The following ADAMTS2 variants were observed in gnomAD, a reference collection of about 807,000 sequenced individuals.
ADAMTS2 encodes the protein ADAM metallopeptidase with thrombospondin type 1 motif 2.
ADAMTS2 carries 50 observed loss-of-function variants against 123.0 expected under a neutral mutation model. The observed-to-expected ratio is 0.41, with a 90% CI of 0.32 to 0.51. The LOEUF is 0.51. ADAMTS2 is among the 20% of genes least tolerant of loss of function. The pLI is 0.35. For synonymous variants in ADAMTS2, 678 were observed against 695.4 expected (o/e 0.98, Z 0.39); for missense variants, 1,494 against 1,705.2 (o/e 0.88, Z 2.18).
intron 3 of ADAMTS2, among the ~76,000 whole-genome samples, chr5:179,212,175 G>C (rs1764868345): frequency 6.6e-6 from 1 of 152,374 alleles, no homozygotes; most frequent in South Asian, 2.1e-4. Context: ...GTGGGATGGT[G>C]CGGGCTCTGA....
At chr5:179,205,719 T>C (rs111340275) in intron 4 of ADAMTS2, among the ~76,000 whole-genome samples, 43 of 152,176 alleles carry the variant, frequency 2.8e-4, no homozygotes, top group African/African-American at 1.0e-3. Flanking sequence ...CACAGTCACA[T>C]AGTAGGGGCT....
chr5:179,292,185 G>A (rs1756208371), intron 2 of ADAMTS2, among the ~76,000 whole-genome samples: 1 of 151,966 alleles, frequency 6.6e-6, no homozygotes, highest in South Asian at 2.1e-4. Context: ...GGCATTCCCG[G>A]GGGCAGAGAG....
intron 3 of ADAMTS2, among the ~76,000 whole-genome samples, chr5:179,215,765 A>G (rs72818649): frequency 0.14 from 21,200 of 152,124 alleles, 1,656 homozygotes; most frequent in Non-Finnish European, 0.18. Context: ...AGTCTCCCGG[A>G]GAATAAGAAG....
chr5:179,155,663 G>A lies in ADAMTS2; in HGVS notation c.1133-744C>T, dbSNP rs1763455473. On this transcript the variant is annotated intron_variant, in intron 6 of 21. Transcript: ENST00000251582. This position sits in a 1 kb window ranked among gnomAD's most constrained non-coding sequence, Gnocchi z 5.1. ...CGTCAAACTGAGGAAGATGGATAATGAGACCTATTCACTTCCCCAGCTCCT... is the reference window on the plus strand; with the variant it reads ...CGTCAAACTGAGGAAGATGGATAATAAGACCTATTCACTTCCCCAGCTCCT... Among the ~76,000 whole-genome samples the A allele has an allele frequency of 1.3e-5, 2 of 152,178 alleles. No homozygotes were observed. The highest frequency in any genetic ancestry group is 2.9e-5 in the Non-Finnish European group (2 of 68,032).
intron 3 of ADAMTS2, among the ~76,000 whole-genome samples, chr5:179,270,372 G>A (rs1259672205): frequency 6.6e-6 from 1 of 152,188 alleles, no homozygotes; most frequent in African/African-American, 2.4e-5. Context: ...AACATAAATA[G>A]CAGGGTGCTT....
Position 179,336,292 on chromosome 5 carries a change from C to T in ADAMTS2, c.534+7475G>A, listed in dbSNP as rs1306209091. ...TGTGAGGTCAAAAAGTTAGGGTGCA[C>T]GCAGAAAGGCGCATGTAGCTTTGCA... On this transcript the variant is annotated intron_variant, in intron 2 of 21. Transcript: ENST00000251582. Among the ~76,000 whole-genome samples, 4 of 152,204 alleles carry T rather than the reference C, an allele frequency of 2.6e-5. No homozygotes were observed. The East Asian group carries it at 7.7e-4, about 29-fold the overall frequency.
rs138752135 is a variant in ADAMTS2, at chr5:179,308,369, C to T, written c.535-35305G>A. Among the ~76,000 whole-genome samples the T allele has an allele frequency of 6.6e-5, 10 of 152,242 alleles. No individual in the cohort carries two copies. Among genetic ancestry groups the T allele is most frequent in the African/African-American group, 2.2e-4 (9 of 41,544 alleles). On this transcript the variant is annotated intron_variant, in intron 2 of 21. Transcript: ENST00000251582. This position sits in a 1 kb window ranked among gnomAD's most constrained non-coding sequence, Gnocchi z 6.6. ...AGCTCAGCGGTGCCCAGAGAGAGCA[C>T]TCGAAATGCCAGCTGGAAAGGTCAC... is the stretch of plus-strand genomic sequence containing the variant.
chr5:179,334,629 C>T (rs900346003), intron 2 of ADAMTS2, among the ~76,000 whole-genome samples: 6 of 152,170 alleles, frequency 3.9e-5, no homozygotes, highest in Non-Finnish European at 5.9e-5. Context: ...AGGTTCCAGA[C>T]GGTGCAGATT....
chr5:179,243,043 A>T (rs1188004101), intron 3 of ADAMTS2, among the ~76,000 whole-genome samples: 1 of 152,064 alleles, frequency 6.6e-6, no homozygotes, highest in Non-Finnish European at 1.5e-5. Context: ...CTCCTGCCCA[A>T]TACCTGGAGT....
intron 2 of ADAMTS2, among the ~76,000 whole-genome samples, chr5:179,329,128 C>G (rs1012470738): frequency 1.1e-4 from 16 of 152,044 alleles, no homozygotes; most frequent in Admixed American, 2.6e-4. Flanking sequence ...GAGATGGAGA[C>G]CATCCTGGCT....
intron 3 of ADAMTS2, among the ~76,000 whole-genome samples, chr5:179,212,116 G>A (rs1419868075): frequency 6.6e-6 from 1 of 152,254 alleles, no homozygotes; most frequent in Non-Finnish European, 1.5e-5. Context: ...AGTATGATTA[G>A]ACTAGAGAAG....
intron 5 of ADAMTS2, among the ~76,000 whole-genome samples, chr5:179,164,499 G>T (rs1424754574): frequency 6.6e-6 from 1 of 152,164 alleles, no homozygotes; most frequent in Non-Finnish European, 1.5e-5. Context: ...AGGCAGAGAC[G>T]GCACCAGTGT....
intron 3 of ADAMTS2, among the ~76,000 whole-genome samples, chr5:179,217,797 G>T (rs978571084): frequency 6.4e-5 from 4 of 62,230 alleles, no homozygotes; most frequent in Admixed American, 1.7e-4. Flanking sequence ...ATGGCGCAAG[G>T]GGGGGATGGG....
At chr5:179,275,380 G>A (rs1200217317) in intron 2 of ADAMTS2, among the ~76,000 whole-genome samples, 1 of 152,124 alleles carries the variant, frequency 6.6e-6, no homozygotes, top group Admixed American at 6.6e-5. Flanking sequence ...GGAAGCACCT[G>A]GTGGGCTTCC....
intron 9 of ADAMTS2, among the ~76,000 whole-genome samples, chr5:179,153,078 G>C (rs1763392552): frequency 6.6e-6 from 1 of 152,220 alleles, no homozygotes; most frequent in Admixed American, 6.5e-5. Context: ...CTGGAGAGCA[G>C]CGAGTGCTCC....
chr5:179,329,703 G>A (rs1036533422), intron 2 of ADAMTS2, among the ~76,000 whole-genome samples: 1 of 152,168 alleles, frequency 6.6e-6, no homozygotes, highest in Non-Finnish European at 1.5e-5. Flanking sequence ...CACCAGCCCG[G>A]CAGAATAAAA....
chr5:179,137,964 C>A lies in ADAMTS2; in HGVS notation c.1776-20G>T. On this transcript the variant is annotated intron_variant, in intron 11 of 21. Transcript: ENST00000251582. ...GCCGGGCTGGAGGAGAAAGCAAAGG[C>A]CTTGCCGCTCCGTGCCATTGGAAAG... 2 of 1,540,966 alleles carry A rather than the reference C, an allele frequency of 1.3e-6. No individual in the cohort carries two copies. The highest frequency in any genetic ancestry group is 4.9e-5 in the East Asian group (2 of 40,918).
rs903972435 is a variant in ADAMTS2 at position 179,314,267 on chromosome 5, G to A, written c.534+29500C>T. ...GCCCTGTCCTTGTCTTGCTCAGCTCGGGGGAAGCACCTCTCGCCAGCCATC... is the reference window on the plus strand; with the variant it reads ...GCCCTGTCCTTGTCTTGCTCAGCTCAGGGGAAGCACCTCTCGCCAGCCATC... On this transcript the variant is annotated intron_variant, in intron 2 of 21. Transcript: ENST00000251582. The surrounding 1 kb of genome is among the most constrained non-coding windows in gnomAD (Gnocchi z 4.5). Among the ~76,000 whole-genome samples the A allele has an allele frequency of 1.3e-5, 2 of 152,144 alleles. No homozygotes were observed. Among genetic ancestry groups the A allele is most frequent in the Non-Finnish European group, 2.9e-5 (2 of 68,010 alleles).
At chr5:179,328,500 G>C (rs911721141) in intron 2 of ADAMTS2, among the ~76,000 whole-genome samples, 3 of 152,242 alleles carry the variant, frequency 2.0e-5, no homozygotes, top group Non-Finnish European at 4.4e-5. Flanking sequence ...GGACAGCAAT[G>C]CTGGGGCTTG....
Sources: allele counts gnomAD v4.1 joint callset (sites outside exome capture counted in the v4.1 genomes callset), GRCh38; gene constraint gnomAD v4.1.1; non-coding constraint Gnocchi (gnomAD v3.1); transcripts MANE v1.5; gene names NCBI Gene and HGNC (gene_info 2026-07-23, HGNC 2026-07-21).